NPEPL1: variants seen among roughly 807,000 people sequenced by gnomAD.
NPEPL1 encodes the protein aminopeptidase like 1, also known as probable aminopeptidase NPEPL1.
NPEPL1 carries 45 observed loss-of-function variants against 52.4 expected under a neutral mutation model. The observed-to-expected ratio is 0.86, with a 90% CI of 0.68 to 1.10. NPEPL1 has a LOEUF of 1.10. Ranked by LOEUF, NPEPL1 falls within the 50% of genes least tolerant of loss-of-function variation. NPEPL1 has a pLI of 0.00. For missense variants in NPEPL1, 696 were observed against 710.9 expected, an observed-to-expected ratio of 0.98 and a Z score of 0.24; for synonymous variants, 360 against 314.7, an observed-to-expected ratio of 1.14 and a Z score of -1.52.
At chr20:58,712,329 G>A in intron 7 of NPEPL1, 150 bp from the exon 8 acceptor site, 1 of 616,346 alleles carries the variant, frequency 1.6e-6, no homozygotes, top group East Asian at 2.8e-5. Context: ...ACTGTACCCG[G>A]GATGGCAGGG....
At chr20:58,692,032 T>A, upstream of NPEPL1, 5 of 598,536 alleles carry the variant, frequency 8.4e-6, no homozygotes, top group East Asian at 2.8e-5. The surrounding 1 kb of genome is among the most constrained non-coding windows in gnomAD (Gnocchi z 5.7). Context: ...CTGAGGTGAC[T>A]CAGGTCACCC....
chr20:58,704,463 AGT>A (rs2084699490), intron 6 of NPEPL1: 1 of 749,220 alleles, frequency 1.3e-6, no homozygotes. Context: ...GGAAATTAAA[AGT>A]GAGAAATTTA....
At chr20:58,706,881 A>C (rs1201522905) in intron 6 of NPEPL1, among the ~76,000 whole-genome samples, 1 of 152,158 alleles carries the variant, frequency 6.6e-6, no homozygotes, top group African/African-American at 2.4e-5. Flanking sequence ...TTCTGTCAAA[A>C]CAAAAGGGAG....
intron 7 of NPEPL1, chr20:58,711,323 CCACAGGAGGCCTCAG>C (rs2084837559): frequency 6.6e-6 from 1 of 152,018 alleles, no homozygotes; most frequent in African/African-American, 2.4e-5. Context: ...CCTGGAATGA[CCACAGGAGGCCTCAG>C]CACAGGGACA....
At chr20:58,712,417 G>T in intron 7 of NPEPL1, 62 bp from the exon 8 acceptor site, 1 of 1,119,876 alleles carries the variant, frequency 8.9e-7, no homozygotes, top group South Asian at 1.3e-5. Flanking sequence ...CCCCCAGCTC[G>T]TCCTCCCCCC....
upstream of NPEPL1, among the ~76,000 whole-genome samples, chr20:58,689,717 T>C (rs904484772): frequency 1.3e-5 from 2 of 152,136 alleles, no homozygotes; most frequent in Non-Finnish European, 2.9e-5. Flanking sequence ...CAAGGGGCCT[T>C]CCCTAACTCA....
Position 58,692,997 on chromosome 20 carries a change from C to T in NPEPL1, c.97C>T (p.Arg33Cys). The T allele has an allele frequency of 8.6e-7, 1 of 1,156,734 alleles. No individual in the cohort carries two copies. The allele number at this position is 1,156,734 out of a possible 1,614,324, so 71.7% of individuals were successfully genotyped here. The change falls in exon 1 of 12, where the codon CGC becomes TGC. Residue 33 changes from arginine to cysteine, a missense_variant. Coordinates refer to ENST00000356091, the MANE Select transcript of NPEPL1 (RefSeq NM_024663.4). The surrounding 1 kb of genome is among the most constrained non-coding windows in gnomAD (Gnocchi z 5.7). ...LLLGQLHHLH[R>C]VPWSHVRGKL... is the part of the protein sequence containing the mutation. The stretch of plus-strand genomic sequence containing the variant: ...GCTCGGGCAGCTGCACCACCTGCAC[C>T]GCGTGCCCTGGAGCCACGTCCGCGG...
intron 5 of NPEPL1, among the ~76,000 whole-genome samples, chr20:58,700,118 C>T (rs1261618444): frequency 1.3e-5 from 2 of 152,208 alleles, no homozygotes; most frequent in Non-Finnish European, 2.9e-5. Context: ...TTTGAGCCAC[C>T]CTCCGAGCAA....
intron 7 of NPEPL1, among the ~76,000 whole-genome samples, chr20:58,708,788 G>A (rs774379180): frequency 9.9e-5 from 15 of 152,128 alleles, no homozygotes; most frequent in Non-Finnish European, 1.8e-4. Flanking sequence ...ATGCTGAGGC[G>A]GACGGGCCCA....
At chr20:58,712,425 C>G (rs1205703902) in intron 7 of NPEPL1, 54 bp from the exon 8 acceptor site, 8 of 1,229,114 alleles carry the variant, frequency 6.5e-6, no homozygotes, top group South Asian at 3.7e-5. Context: ...TCGTCCTCCC[C>G]CCTCCCCAAA....
chr20:58,698,120 C>T (rs1395447078), intron 3 of NPEPL1, among the ~76,000 whole-genome samples: 2 of 152,180 alleles, frequency 1.3e-5, no homozygotes, highest in Admixed American at 1.3e-4. Context: ...AAGCAACGGC[C>T]CAGAGGGAAG....
chr20:58,691,160 G>T, upstream of NPEPL1: 1 of 703,046 alleles, frequency 1.4e-6, no homozygotes, highest in South Asian at 1.5e-5. Flanking sequence ...CAGTCCTCTG[G>T]AGTGCCGTGT....
intron 7 of NPEPL1, among the ~76,000 whole-genome samples, chr20:58,708,099 G>A (rs2084771513): frequency 6.6e-6 from 1 of 152,160 alleles, no homozygotes; most frequent in Non-Finnish European, 1.5e-5. Flanking sequence ...ACAGGCCAAT[G>A]AGGAGTGTGC....
chr20:58,693,991 C>A, intron 2 of NPEPL1, 69 bp downstream of exon 2: 7 of 1,428,802 alleles, frequency 4.9e-6, no homozygotes, highest in Non-Finnish European at 6.6e-6. Flanking sequence ...GCCTGGGGAG[C>A]TCACAGCCCT....
chr20:58,707,064 G>A (rs927296153), intron 6 of NPEPL1, 59 bp from the exon 7 acceptor site: 40 of 1,516,758 alleles, frequency 2.6e-5, no homozygotes, highest in African/African-American at 2.4e-4. Flanking sequence ...GGGGGCTTCC[G>A]CTGCCAGGCC....
intron 6 of NPEPL1, chr20:58,704,455 A>G: frequency 1.2e-6 from 1 of 817,900 alleles, no homozygotes; most frequent in Non-Finnish European, 1.5e-6. Flanking sequence ...ACTCTACTGG[A>G]AATTAAAAGT....
rs573805499 is a variant in NPEPL1 at position 58,712,584 on chromosome 20, G to A, written c.1001+5G>A. 1.8e-5 allele frequency: 29 copies of A among 1,598,294 alleles called. No homozygotes were observed. Among genetic ancestry groups the A allele is most frequent in the African/African-American group, 5.4e-5 (4 of 74,712 alleles). On this transcript the variant is annotated splice_donor_5th_base_variant and intron_variant, in intron 8 of 11. Coordinates refer to ENST00000356091, the MANE Select transcript of NPEPL1 (RefSeq NM_024663.4). ...CCACCTGCTGTACTCAGGGAAGTACGTCTGGCCCTCCCACTCCTTCCTGCC... is the reference window on the plus strand; with the variant it reads ...CCACCTGCTGTACTCAGGGAAGTACATCTGGCCCTCCCACTCCTTCCTGCC...
chr20:58,700,581 A>G (rs2084594057), intron 5 of NPEPL1, among the ~76,000 whole-genome samples: 1 of 152,208 alleles, frequency 6.6e-6, no homozygotes, highest in Admixed American at 6.5e-5. Context: ...TGTCATGTAA[A>G]CCAAAGAGGC....
chr20:58,715,357 TC>T lies in NPEPL1; in HGVS notation c.*32del, dbSNP rs748579892. On this transcript the variant is annotated 3_prime_UTR_variant, in exon 12 of 12. Coordinates refer to ENST00000356091, the MANE Select transcript of NPEPL1 (RefSeq NM_024663.4). ...CTGCCTCGGCCCTGACAAACGGGGA[TC>T]TTTTACCTCACTTTGCACTGATTAA... 1.5e-5 allele frequency: 24 copies of T among 1,574,684 alleles called. No homozygotes were observed. The South Asian group carries it at 2.7e-4, about 17-fold the overall frequency.
Sources: allele counts gnomAD v4.1 joint callset (sites outside exome capture counted in the v4.1 genomes callset), GRCh38; gene constraint gnomAD v4.1.1; non-coding constraint Gnocchi (gnomAD v3.1); transcripts MANE v1.5; gene names NCBI Gene and HGNC (gene_info 2026-07-23, HGNC 2026-07-21).